The following RPS24 variants were observed in gnomAD, a reference collection of about 807,000 sequenced individuals.
RPS24 encodes the protein small ribosomal subunit protein eS24.
For missense variants in RPS24, 100 were observed against 162.5 expected (o/e 0.62, Z 2.09); for synonymous variants, 72 against 55.6 (o/e 1.30, Z -1.31).
chr10:78,033,896 G>A lies in RPS24; in HGVS notation c.-6G>A, dbSNP rs1345735053. On this transcript the variant is annotated 5_prime_UTR_variant, in exon 1 of 6. Coordinates refer to ENST00000372360, the MANE Select transcript of RPS24 (RefSeq NM_033022.4). ...CTCCTTGGCTGTCTGAAGATAGATC[G>A]CCATCATGGTGAGTCTCCCTGGGCC... 6 of 1,613,962 alleles carry A rather than the reference G, an allele frequency of 3.7e-6. No homozygotes were observed. Among genetic ancestry groups the A allele is most frequent in the Admixed American group, 1.7e-5 (1 of 60,008 alleles).
chr10:78,042,769 T>C (rs1225119716), downstream of RPS24, among the ~76,000 whole-genome samples: 2 of 151,880 alleles, frequency 1.3e-5, no homozygotes, highest in African/African-American at 4.8e-5. Flanking sequence ...CAGTGAATAT[T>C]TGGGGTGCTG....
At chr10:78,045,227 A>G (rs1411311665), downstream of RPS24, among the ~76,000 whole-genome samples, 1 of 151,932 alleles carries the variant, frequency 6.6e-6, no homozygotes, top group African/African-American at 2.4e-5. Flanking sequence ...ACCTCAGGTG[A>G]TCTGCCCACC....
At chr10:78,037,799 T>G in intron 4 of RPS24, 1 of 437,324 alleles carries the variant, frequency 2.3e-6, no homozygotes, top group Non-Finnish European at 3.8e-6. Context: ...ATAAGCAGCT[T>G]TTTACCAGCT....
exon 5 of RPS24, chr10:78,055,364 A>AG: frequency 7.0e-6 from 1 of 142,596 alleles, no homozygotes; most frequent in Non-Finnish European, 1.2e-5. Flanking sequence ...GTGAAGTTAG[A>AG]GATTTTTTTT....
At chr10:78,035,134 A>G (rs1362998517) in intron 1 of RPS24, among the ~76,000 whole-genome samples, 1 of 152,214 alleles carries the variant, frequency 6.6e-6, no homozygotes. Context: ...AGTAAGTTGT[A>G]CAGATTCATG....
At chr10:78,040,728 T>C (rs1171174855), downstream of RPS24, 16 of 1,550,590 alleles carry the variant, frequency 1.0e-5, no homozygotes, top group Non-Finnish European at 1.3e-5. Flanking sequence ...GTATTTGCAG[T>C]TTCCTGGGAC....
chr10:78,036,863 C>T (rs994309304), intron 3 of RPS24, among the ~76,000 whole-genome samples: 1 of 152,114 alleles, frequency 6.6e-6, no homozygotes, highest in Non-Finnish European at 1.5e-5. Context: ...GAGATCCCCT[C>T]AGCCACTTCG....
chr10:78,037,528 A>G (rs1170841183), intron 4 of RPS24: 1 of 598,056 alleles, frequency 1.7e-6, no homozygotes, highest in Admixed American at 3.3e-5. Flanking sequence ...TCACAGCACA[A>G]TCTGGAGGCC....
At chr10:78,037,399 T>C in intron 4 of RPS24, 95 bp downstream of exon 4, 1 of 1,487,472 alleles carries the variant, frequency 6.7e-7, no homozygotes, top group South Asian at 1.3e-5. Context: ...AAATAACTTT[T>C]CTTAATGTTT....
At chr10:78,037,143 T>G (rs1185491441) in intron 3 of RPS24, 51 bp from the exon 4 acceptor site, 1 of 1,560,678 alleles carries the variant, frequency 6.4e-7, no homozygotes, top group African/African-American at 1.4e-5. Context: ...GAGTGGTGGG[T>G]AATGATTTTA....
downstream of RPS24, among the ~76,000 whole-genome samples, chr10:78,045,250 G>A (rs1848031331): frequency 6.6e-6 from 1 of 152,098 alleles, no homozygotes; most frequent in South Asian, 2.1e-4. Flanking sequence ...GCCTCCCAAA[G>A]TGCTGGGATT....
chr10:78,040,487 C>T, intron 5 of RPS24, 128 bp from the exon 6 acceptor site: 2 of 802,548 alleles, frequency 2.5e-6, no homozygotes, highest in Non-Finnish European at 2.2e-6. Flanking sequence ...GTTATGATAA[C>T]ATCAAAATAA....
At chr10:78,056,500 T>C (rs1848150481) in exon 5 of RPS24, 1 of 152,152 alleles carries the variant, frequency 6.6e-6, no homozygotes, top group Non-Finnish European at 1.5e-5. Context: ...AATCAGTGCA[T>C]GGAATTACCC....
chr10:78,035,369 C>G lies in RPS24; in HGVS notation c.21C>G (p.Ile7Met). MNDTVTIRTRKFMTNRL... is the reference protein window; with the variant it reads MNDTVTMRTRKFMTNRL... ...GTTTTCAGAACGACACCGTAACTATCCGCACTAGAAAGTTCATGACCAACC... is the reference window on the plus strand; with the variant it reads ...GTTTTCAGAACGACACCGTAACTATGCGCACTAGAAAGTTCATGACCAACC... Residue 7 changes from isoleucine (I) to methionine (M), a missense_variant, in exon 2 of 6, where the codon ATC becomes ATG. Transcript: ENST00000372360. The G allele has an allele frequency of 2.5e-6, 4 of 1,614,114 alleles. No individual in the cohort carries two copies. The highest frequency in any genetic ancestry group is 3.4e-6 in the Non-Finnish European group (4 of 1,179,972).
chr10:78,041,679 A>G (rs997051598), downstream of RPS24, among the ~76,000 whole-genome samples: 44 of 152,260 alleles, frequency 2.9e-4, no homozygotes, highest in African/African-American at 8.9e-4. Flanking sequence ...CCCTGTGAGC[A>G]GCTTGCAGAG....
downstream of RPS24, among the ~76,000 whole-genome samples, chr10:78,045,248 A>G (rs1589333399): frequency 6.6e-6 from 1 of 151,954 alleles, no homozygotes; most frequent in African/African-American, 2.4e-5. Context: ...CCGCCTCCCA[A>G]AGTGCTGGGA....
rs148455786 is a variant in RPS24, at chr10:78,046,521, G to A, written c.391-8010G>A. 4.4e-4 allele frequency among the ~76,000 whole-genome samples: 67 copies of A among 151,844 alleles called. 1 individual carries two copies. The highest frequency in any genetic ancestry group is 1.6e-3 in the African/African-American group (65 of 41,356). ...TTACAGGTGTGTACCACCACACCTGGCTAATTTTTGTATAGTAGAGACAGG... is the reference window on the plus strand; with the variant it reads ...TTACAGGTGTGTACCACCACACCTGACTAATTTTTGTATAGTAGAGACAGG... On this transcript the variant is annotated intron_variant, in intron 4 of 4. Coordinates refer to the RPS24 transcript ENST00000440692.
chr10:78,041,740 T>TGGGACAGGAC (rs1554842723), downstream of RPS24, among the ~76,000 whole-genome samples: 1 of 151,800 alleles, frequency 6.6e-6, no homozygotes, highest in African/African-American at 2.4e-5. Context: ...TGGGATGGGA[T>TGGGACAGGAC]GGGACAGGAC....
chr10:78,054,824 T>C, exon 5 of RPS24: 1 of 1,551,672 alleles, frequency 6.4e-7, no homozygotes, highest in Non-Finnish European at 8.7e-7. Context: ...CCTCACCTGC[T>C]CCTGCTGGTT....
Sources: allele counts gnomAD v4.1 joint callset (sites outside exome capture counted in the v4.1 genomes callset), GRCh38; gene constraint gnomAD v4.1.1; transcripts MANE v1.5; gene names NCBI Gene and HGNC (gene_info 2026-07-23, HGNC 2026-07-21).